Variants in CREB5 observed in about 807,000 individuals in gnomAD.
The protein encoded by CREB5 is cyclic AMP-responsive element-binding protein 5.
In CREB5, 19 loss-of-function variants were observed where a neutral mutation model predicts 57.1. The observed-to-expected ratio is 0.33, with a 90% CI of 0.23 to 0.49. The LOEUF (loss-of-function observed/expected upper bound fraction) is 0.49. Ranked by LOEUF, CREB5 falls within the 20% of genes least tolerant of loss-of-function variation. The pLI, the probability that CREB5 is intolerant of heterozygous loss-of-function variation, is 0.99. For missense variants in CREB5, 579 were observed against 671.6 expected, an observed-to-expected ratio of 0.86 and a Z score of 1.52; for synonymous variants, 238 against 238.3, an observed-to-expected ratio of 1.00 and a Z score of 0.01.
intron 5 of CREB5, among the ~76,000 whole-genome samples, chr7:28,626,024 C>T (rs75513420): frequency 0.044 from 6,760 of 152,202 alleles, 513 homozygotes; most frequent in African/African-American, 0.15. Flanking sequence ...ATAATGATAT[C>T]CTAACAGATT....
At chr7:28,569,160 T>G (rs1055938717) in intron 4 of CREB5, among the ~76,000 whole-genome samples, 2 of 151,680 alleles carry the variant, frequency 1.3e-5, no homozygotes, top group African/African-American at 4.8e-5. Context: ...TCTTTTCTTT[T>G]TTTTTTTCTT....
intron 4 of CREB5, among the ~76,000 whole-genome samples, chr7:28,511,122 GA>G (rs992185612): frequency 2.0e-5 from 3 of 151,070 alleles, no homozygotes; most frequent in East Asian, 1.9e-4. Flanking sequence ...ATAAATATGT[GA>G]AAAAAAAATC....
chr7:28,409,821 C>T, upstream of CREB5: 1 of 450,594 alleles, frequency 2.2e-6, no homozygotes, highest in African/African-American at 2.0e-5. This position sits in a 1 kb window ranked among gnomAD's most constrained non-coding sequence, Gnocchi z 4.4. Context: ...GCCCGGCGTG[C>T]GTGCGTGTGT....
intron 5 of CREB5, among the ~76,000 whole-genome samples, chr7:28,585,289 G>T (rs772000271): frequency 6.6e-6 from 1 of 152,198 alleles, no homozygotes; most frequent in African/African-American, 2.4e-5. Flanking sequence ...CATTCCAGCA[G>T]CCCTGAACCA....
intron 5 of CREB5, among the ~76,000 whole-genome samples, chr7:28,602,311 G>A (rs955349163): frequency 4.6e-5 from 7 of 152,084 alleles, no homozygotes; most frequent in African/African-American, 1.7e-4. Context: ...ACTTATAGTA[G>A]AGCCAGGGTT....
intron 5 of CREB5, among the ~76,000 whole-genome samples, chr7:28,611,225 G>C (rs569540085): frequency 6.6e-6 from 1 of 152,140 alleles, no homozygotes; most frequent in African/African-American, 2.4e-5. Flanking sequence ...TGGTAGTATT[G>C]AAGGTCCCAG....
intron 5 of CREB5, among the ~76,000 whole-genome samples, chr7:28,623,997 A>T (rs553321076): frequency 6.6e-6 from 1 of 152,304 alleles, no homozygotes; most frequent in Non-Finnish European, 1.5e-5. Context: ...GGTGGTGATG[A>T]CAACTTCCTC....
intron 4 of CREB5, among the ~76,000 whole-genome samples, chr7:28,528,254 A>G (rs1793532401): frequency 6.6e-6 from 1 of 152,234 alleles, no homozygotes; most frequent in East Asian, 1.9e-4. Context: ...TCTTCCTGAC[A>G]TAGGCTATCA....
Position 28,494,848 on chromosome 7 carries a change from T to C in CREB5, c.76-58T>C, listed in dbSNP as rs957771900. 1.7e-5 allele frequency: 20 copies of C among 1,165,008 alleles called. No individual in the cohort carries two copies. The East Asian group carries it at 4.9e-4, about 28-fold the overall frequency. The allele number at this position is 1,165,008 out of a possible 1,614,324, so 72.2% of individuals were successfully genotyped here. On this transcript the variant is annotated intron_variant, in intron 2 of 10. Transcript: ENST00000357727. ...CTTTTTCTCAATAATGGTAAATATG[T>C]TTTTTAAAACTGAATGGCTCCTCTT...
chr7:28,663,588 A>G (rs577729030), intron 5 of CREB5, among the ~76,000 whole-genome samples: 3 of 152,216 alleles, frequency 2.0e-5, no homozygotes, highest in East Asian at 3.9e-4. Flanking sequence ...TTCCGTTTTC[A>G]TATTTGCCAG....
At chr7:28,346,782 T>C (rs1405149135) in intron 1 of CREB5, among the ~76,000 whole-genome samples, 3 of 152,270 alleles carry the variant, frequency 2.0e-5, no homozygotes, top group East Asian at 3.9e-4. Context: ...GCTGGGAGAA[T>C]ACGTCCATCC....
In CREB5 at chr7:28,368,951, T is replaced by G. The variant is rs184149646; in HGVS notation, c.-25+69510T>G. ...GTCCCAGCTACTTGGAAGGCTGTTG[T>G]GGGAGGATCGCTTGACCCTGGGAGG... On this transcript the variant is annotated intron_variant, in intron 1 of 9. Transcript: ENST00000396299. 3.5e-4 allele frequency among the ~76,000 whole-genome samples: 53 copies of G among 152,230 alleles called. 3 individuals are homozygous for G. The highest frequency in any genetic ancestry group is 1.3e-3 in the African/African-American group (52 of 41,546).
At position 28,334,153 on chromosome 7, in the gene CREB5, C is replaced by CT. The variant is rs577082108; in HGVS notation, c.-25+34719dup. 4.6e-5 allele frequency among the ~76,000 whole-genome samples: 7 copies of CT among 152,138 alleles called. No individual in the cohort carries two copies. In the East Asian group the frequency reaches 9.7e-4, roughly 21 times the overall value. ...TCTGATGATCATTGATGTTGAGCAG[C>CT]TTTTTTTGTTTGATTGTTTGAGATG... On this transcript the variant is annotated intron_variant, in intron 1 of 9. Transcript: ENST00000396299.
At chr7:28,352,464 CCT>C (rs897877583) in intron 1 of CREB5, among the ~76,000 whole-genome samples, 4 of 152,164 alleles carry the variant, frequency 2.6e-5, no homozygotes, top group African/African-American at 9.7e-5. Flanking sequence ...GATAAAGAAA[CCT>C]CTCTTGTAAT....
At position 28,406,064 on chromosome 7, in the gene CREB5, A is replaced by AT. The variant is rs554655872; in HGVS notation, c.-24-88836dup. Among the ~76,000 whole-genome samples, 16 of 152,240 alleles carry AT rather than the reference A, an allele frequency of 1.1e-4. 1 individual carries two copies. Among genetic ancestry groups the AT allele is most frequent in the Admixed American group, 9.2e-4 (14 of 15,298 alleles). On this transcript the variant is annotated intron_variant, in intron 1 of 9. Coordinates refer to the CREB5 transcript ENST00000396299. ...CCTAGGAGCTGGGAAGAAAGAGACC[A>AT]TTTTTTGTTTTCTGACTTCAGCACT...
chr7:28,497,620 G>A (rs963868858), intron 3 of CREB5, among the ~76,000 whole-genome samples: 1 of 152,130 alleles, frequency 6.6e-6, no homozygotes, highest in Admixed American at 6.6e-5. Flanking sequence ...CATGTTCTTA[G>A]GTTCATAGAA....
intron 7 of CREB5, among the ~76,000 whole-genome samples, chr7:28,792,933 C>T (rs1173040727): frequency 1.3e-5 from 2 of 152,132 alleles, no homozygotes; most frequent in Non-Finnish European, 2.9e-5. Context: ...ATGACCCAGA[C>T]CATTCACAGG....
chr7:28,326,167 ATCT>A, intron 1 of CREB5, among the ~76,000 whole-genome samples: 2 of 134,308 alleles, frequency 1.5e-5, no homozygotes, highest in South Asian at 2.6e-4. Flanking sequence ...CTATCTATCT[ATCT>A]ATCTATCTAT....
intron 4 of CREB5, among the ~76,000 whole-genome samples, chr7:28,524,094 T>C (rs1159362977): frequency 3.9e-5 from 6 of 152,188 alleles, no homozygotes; most frequent in African/African-American, 1.2e-4. Context: ...ATTACATCAC[T>C]TGGTTTATCT....
Sources: gnomAD v4.1 joint callset for allele counts (sites outside exome capture counted in the v4.1 genomes callset) on GRCh38, gnomAD v4.1.1 for gene constraint, Gnocchi (gnomAD v3.1) non-coding constraint, MANE v1.5 for transcripts, NCBI Gene and HGNC (gene_info 2026-07-23, HGNC 2026-07-21) for gene names.